The following NRG2 variants were observed in gnomAD, a reference collection of about 807,000 sequenced individuals.
The protein encoded by NRG2 is neuregulin 2, also known as pro-neuregulin-2, membrane-bound isoform.
A neutral mutation model predicts 73.9 loss-of-function variants in NRG2; 27 were observed. That is an observed-to-expected ratio of 0.37 (90% CI 0.27 to 0.50). NRG2 has a LOEUF of 0.50. Among genes scored for constraint, NRG2 ranks in the 20% least tolerant of loss-of-function variants. The pLI is 0.96. For missense variants in NRG2, 1,126 were observed against 1,210.1 expected, an observed-to-expected ratio of 0.93 and a Z score of 1.03; for synonymous variants, 532 against 541.0, an observed-to-expected ratio of 0.98 and a Z score of 0.23.
chr5:139,899,752 G>A (rs1308951492), intron 1 of NRG2, among the ~76,000 whole-genome samples: 1 of 152,184 alleles, frequency 6.6e-6, no homozygotes, highest in South Asian at 2.1e-4. Flanking sequence ...CTGATGGGGA[G>A]GGCCTGCTCC....
chr5:140,016,316 T>C (rs1759774831), intron 1 of NRG2, among the ~76,000 whole-genome samples: 1 of 152,196 alleles, frequency 6.6e-6, no homozygotes, highest in Non-Finnish European at 1.5e-5. Flanking sequence ...GTTTTCTCAA[T>C]TTGAAACTAA....
intron 1 of NRG2, among the ~76,000 whole-genome samples, chr5:140,041,088 A>G (rs1047631147): frequency 5.3e-5 from 8 of 152,218 alleles, no homozygotes; most frequent in African/African-American, 1.7e-4. Flanking sequence ...CGATCTAGAA[A>G]GATGAAGGCA....
chr5:139,889,262 C>A (rs933298458), intron 1 of NRG2, among the ~76,000 whole-genome samples: 1 of 151,998 alleles, frequency 6.6e-6, no homozygotes, highest in African/African-American at 2.4e-5. Flanking sequence ...GGAACAAATT[C>A]TATGACTTAT....
At chr5:139,859,966 AGGTGGGT>A in intron 5 of NRG2, 2 of 1,428,068 alleles carry the variant, frequency 1.4e-6, no homozygotes, top group Non-Finnish European at 2.0e-6. Flanking sequence ...GGAGAGAGAC[AGGTGGGT>A]GGGGACAGGG....
intron 1 of NRG2, among the ~76,000 whole-genome samples, chr5:139,990,659 G>T (rs1370943457): frequency 6.6e-6 from 1 of 152,080 alleles, no homozygotes; most frequent in South Asian, 2.1e-4. Flanking sequence ...TTCCAACACT[G>T]GCATTATCAA....
At chr5:139,880,998 G>C (rs1373201582) in intron 2 of NRG2, 24 bp from the exon 3 acceptor site, 3 of 1,602,432 alleles carry the variant, frequency 1.9e-6, no homozygotes, top group Middle Eastern at 1.7e-4. Flanking sequence ...GGATAAAAGG[G>C]GGAGAGGCGT....
At chr5:139,988,801 T>G (rs950478823) in intron 1 of NRG2, among the ~76,000 whole-genome samples, 6 of 151,758 alleles carry the variant, frequency 4.0e-5, no homozygotes, top group African/African-American at 1.5e-4. Flanking sequence ...GATAATGATG[T>G]GTCAATGTAG....
At chr5:140,000,779 G>C (rs1415534067) in intron 1 of NRG2, among the ~76,000 whole-genome samples, 1 of 152,146 alleles carries the variant, frequency 6.6e-6, no homozygotes, top group Non-Finnish European at 1.5e-5. Context: ...GTGGGCAGAG[G>C]AGCGGCCATA....
chr5:139,939,204 T>TTTCC (rs199952110), intron 1 of NRG2, among the ~76,000 whole-genome samples: 4,415 of 133,896 alleles, frequency 0.033, 121 homozygotes, highest in African/African-American at 0.069. Flanking sequence ...CAAAGATTTC[T>TTTCC]TTCCTTCCTT....
rs907632700 is a variant in NRG2 at position 140,043,256 on chromosome 5, C to T, written c.-187G>A. ...GCGGGCCGCGATGCGCAGCGCGGCG[C>T]AGCGCAGCGCTCCCACCCTGTGCGC... On this transcript the variant is annotated 5_prime_UTR_variant, in exon 1 of 10. Transcript: ENST00000361474. The surrounding 1 kb of genome is among the most constrained non-coding windows in gnomAD (Gnocchi z 6.7). 2.4e-4 allele frequency: 147 copies of T among 603,136 alleles called. No individual in the cohort carries two copies. The African/African-American group carries it at 2.6e-3, about 11-fold the overall frequency. The allele number at this position is 603,136 out of a possible 1,614,324, so 37.4% of individuals were successfully genotyped here. A position where few individuals can be genotyped will look rare whatever the true frequency, so the allele number is the denominator to read the frequency against.
chr5:139,927,688 C>T (rs1457295701), intron 1 of NRG2, among the ~76,000 whole-genome samples: 2 of 150,244 alleles, frequency 1.3e-5, no homozygotes, highest in African/African-American at 4.9e-5. Context: ...CACTTGAACC[C>T]GGAAGGCGGA....
At position 140,041,729 on chromosome 5, in the gene NRG2, T is replaced by C. The variant is rs150922029; in HGVS notation, c.700+641A>G. On this transcript the variant is annotated intron_variant, in intron 1 of 9. Coordinates refer to ENST00000361474, the MANE Select transcript of NRG2 (RefSeq NM_004883.3). ...TTAAGAGAAGGATGTGCTACCTGCTTAGCAAAGACAGGCAATCACGATGAA... is the reference window on the plus strand; with the variant it reads ...TTAAGAGAAGGATGTGCTACCTGCTCAGCAAAGACAGGCAATCACGATGAA... Among the ~76,000 whole-genome samples, 15 of 150,576 alleles carry C rather than the reference T, an allele frequency of 1.0e-4. No individual in the cohort carries two copies. The East Asian group carries it at 2.7e-3, about 27-fold the overall frequency.
rs994921441 is a variant in NRG2 at position 139,990,171 on chromosome 5, T to C, written c.700+52199A>G. On this transcript the variant is annotated intron_variant, in intron 1 of 9. Transcript: ENST00000361474. ...TATTGTGTATGTGCAAGAATTTCTG[T>C]TGGATATATATCTAGGCATGTAATT... 1.1e-4 allele frequency among the ~76,000 whole-genome samples: 17 copies of C among 152,292 alleles called. No homozygotes were observed. The South Asian group carries it at 3.1e-3, about 28-fold the overall frequency.
chr5:139,924,917 A>G (rs1751940244), intron 1 of NRG2, among the ~76,000 whole-genome samples: 1 of 152,170 alleles, frequency 6.6e-6, no homozygotes, highest in Admixed American at 6.5e-5. Context: ...AATGGGGTCA[A>G]GGTAGAAGAG....
intron 5 of NRG2, chr5:139,859,843 G>C (rs1762036006): frequency 6.2e-7 from 1 of 1,600,310 alleles, no homozygotes; most frequent in African/African-American, 1.3e-5. Context: ...AGGCTGTGGA[G>C]AGGGGCCACG....
chr5:139,958,885 A>T (rs1369478073), intron 1 of NRG2, among the ~76,000 whole-genome samples: 1 of 152,180 alleles, frequency 6.6e-6, no homozygotes, highest in African/African-American at 2.4e-5. Flanking sequence ...TCAGCACTGG[A>T]TTAACTTCCT....
chr5:139,905,847 T>C (rs1211090459), intron 1 of NRG2, among the ~76,000 whole-genome samples: 1 of 152,152 alleles, frequency 6.6e-6, no homozygotes, highest in East Asian at 1.9e-4. Flanking sequence ...CTTCAACCCC[T>C]GCTCTTCAGT....
At chr5:139,882,025 G>A (rs982264351) in intron 2 of NRG2, among the ~76,000 whole-genome samples, 1 of 152,204 alleles carries the variant, frequency 6.6e-6, no homozygotes, top group Non-Finnish European at 1.5e-5. Context: ...CTGGCCCCCA[G>A]GAGGAAGCAA....
chr5:139,906,032 T>G (rs1341737532), intron 1 of NRG2, among the ~76,000 whole-genome samples: 1 of 152,056 alleles, frequency 6.6e-6, no homozygotes, highest in Non-Finnish European at 1.5e-5. Flanking sequence ...TTTTGAGATG[T>G]AGTCTCACTC....
Sources: gnomAD v4.1 joint callset for allele counts (sites outside exome capture counted in the v4.1 genomes callset) on GRCh38, gnomAD v4.1.1 for gene constraint, Gnocchi (gnomAD v3.1) non-coding constraint, MANE v1.5 for transcripts, NCBI Gene and HGNC (gene_info 2026-07-23, HGNC 2026-07-21) for gene names.